The following PACRG variants were observed in gnomAD, a reference collection of about 807,000 sequenced individuals.
The protein encoded by PACRG is parkin coregulated gene protein.
In PACRG, 29 loss-of-function variants were observed where a neutral mutation model predicts 29.7. The ratio of observed to expected loss-of-function variants is 0.98; its 90% CI spans 0.73 to 1.33. The LOEUF (loss-of-function observed/expected upper bound fraction) is 1.33. PACRG is among the 40% of genes most tolerant of loss of function. The pLI is 0.00. For missense variants in PACRG, 279 were observed against 316.2 expected, an observed-to-expected ratio of 0.88 and a Z score of 0.89; for synonymous variants, 116 against 118.7, an observed-to-expected ratio of 0.98 and a Z score of 0.15.
intron 1 of PACRG, among the ~76,000 whole-genome samples, chr6:162,733,392 A>G (rs1396193075): frequency 6.6e-6 from 1 of 152,238 alleles, no homozygotes; most frequent in African/African-American, 2.4e-5. Flanking sequence ...AGTGTATTCA[A>G]TAAATATTTG....
chr6:163,035,827 A>AC (rs1562852866), intron 2 of PACRG, among the ~76,000 whole-genome samples: 2 of 151,206 alleles, frequency 1.3e-5, no homozygotes, highest in Admixed American at 1.3e-4. Context: ...AAAAAAAAAA[A>AC]AAAAAAACAA....
At chr6:163,294,098 A>C (rs1482445529) in intron 4 of PACRG, among the ~76,000 whole-genome samples, 1 of 152,190 alleles carries the variant, frequency 6.6e-6, no homozygotes, top group Non-Finnish European at 1.5e-5. Flanking sequence ...TATTTTAATG[A>C]AAATGATCTA....
intron 4 of PACRG, among the ~76,000 whole-genome samples, chr6:163,178,501 T>G (rs765269071): frequency 2.6e-5 from 4 of 151,942 alleles, no homozygotes; most frequent in Non-Finnish European, 5.9e-5. Flanking sequence ...TGCAGGAAAC[T>G]TTAGTATTAA....
intron 2 of PACRG, among the ~76,000 whole-genome samples, chr6:162,966,275 C>T (rs1227124915): frequency 6.6e-6 from 1 of 152,158 alleles, no homozygotes; most frequent in Non-Finnish European, 1.5e-5. Context: ...TGCCCCATGG[C>T]ACTTGGTGCC....
rs146498802 is a variant in PACRG at position 163,239,661 on chromosome 6, ACC to A, written c.614-75164_614-75163del. On this transcript the variant is annotated intron_variant, in intron 4 of 4. Transcript: ENST00000366888. Reference sequence around the variant, plus strand: ...CACGGCTGCCCCAACCCCTACACACACCCACACCCCCCACCCCTACACACACA... The same window carrying A: ...CACGGCTGCCCCAACCCCTACACACACACACCCCCCACCCCTACACACACA... Among the ~76,000 whole-genome samples, 339 of 127,590 alleles carry A rather than the reference ACC, an allele frequency of 2.7e-3. 3 individuals are homozygous for A. Among genetic ancestry groups the A allele is most frequent in the Non-Finnish European group, 3.4e-3 (204 of 59,514 alleles). The allele number at this position is 127,590 out of a possible 152,430, so 83.7% of individuals were successfully genotyped here. A position where few individuals can be genotyped will look rare whatever the true frequency, so the allele number is the denominator to read the frequency against.
intron 1 of PACRG, among the ~76,000 whole-genome samples, chr6:162,750,181 G>A (rs1469228829): frequency 6.6e-6 from 1 of 152,096 alleles, no homozygotes; most frequent in African/African-American, 2.4e-5. Context: ...AGATACCTTA[G>A]GAGTCTTTCA....
At chr6:162,964,554 A>C (rs888242909) in intron 2 of PACRG, among the ~76,000 whole-genome samples, 2 of 152,208 alleles carry the variant, frequency 1.3e-5, no homozygotes, top group South Asian at 2.1e-4. Context: ...TGGAATGATC[A>C]ACAGATGTTC....
rs918566496 is a variant in PACRG, at chr6:163,055,601, T to C, written c.292-6549T>C. On this transcript the variant is annotated intron_variant, in intron 2 of 4. Coordinates refer to ENST00000366888, the MANE Select transcript of PACRG (RefSeq NM_001080379.2). The surrounding 1 kb of genome is among the most constrained non-coding windows in gnomAD (Gnocchi z 4.0). ...CTACTGTGTTAAAAAAGTTTGTGTC[T>C]CAAAATATAATGGCAAATTGTTATT... 1.3e-5 allele frequency among the ~76,000 whole-genome samples: 2 copies of C among 152,240 alleles called. No homozygotes were observed. The highest frequency in any genetic ancestry group is 2.9e-5 in the Non-Finnish European group (2 of 68,040).
chr6:163,153,916 C>T (rs1166102568), intron 4 of PACRG, among the ~76,000 whole-genome samples: 2 of 152,258 alleles, frequency 1.3e-5, no homozygotes, highest in South Asian at 4.2e-4. Flanking sequence ...GGTGAACAGT[C>T]TGGAAAGAAG....
chr6:162,978,280 A>T (rs914967058), intron 2 of PACRG, among the ~76,000 whole-genome samples: 1 of 152,372 alleles, frequency 6.6e-6, no homozygotes, highest in Middle Eastern at 3.4e-3. Context: ...AGATATTTAA[A>T]AGAACAGATT....
chr6:162,935,363 C>T (rs553450218), intron 2 of PACRG, among the ~76,000 whole-genome samples: 40 of 149,382 alleles, frequency 2.7e-4, no homozygotes, highest in Admixed American at 2.7e-4. Context: ...TCCCATGTGT[C>T]GGATAGGCTC....
At position 163,018,078 on chromosome 6, in the gene PACRG, G is replaced by A. The variant is rs947321690; in HGVS notation, c.292-44072G>A. Among the ~76,000 whole-genome samples the A allele has an allele frequency of 3.9e-5, 6 of 152,074 alleles. No individual in the cohort carries two copies. The South Asian group carries it at 1.0e-3, about 26-fold the overall frequency. On this transcript the variant is annotated intron_variant, in intron 2 of 4. Transcript: ENST00000366888. Reference sequence around the variant, plus strand: ...ATCCCTTTCTCTTAGAAAAATGTTAGCATTTTCTGCACACTTTTAGGAATG... The same window carrying A: ...ATCCCTTTCTCTTAGAAAAATGTTAACATTTTCTGCACACTTTTAGGAATG...
intron 2 of PACRG, among the ~76,000 whole-genome samples, chr6:162,929,667 G>A (rs1797704621): frequency 6.6e-6 from 1 of 151,764 alleles, no homozygotes; most frequent in African/African-American, 2.4e-5. Context: ...TCATGTCCTG[G>A]AGCATTTTCC....
At chr6:162,894,447 A>T (rs933713191) in intron 2 of PACRG, among the ~76,000 whole-genome samples, 3 of 152,224 alleles carry the variant, frequency 2.0e-5, no homozygotes, top group African/African-American at 2.4e-5. Context: ...TTTGATCACC[A>T]AATTATATGG....
intron 2 of PACRG, among the ~76,000 whole-genome samples, chr6:162,898,064 C>T (rs1376752392): frequency 2.0e-5 from 3 of 152,210 alleles, no homozygotes; most frequent in African/African-American, 4.8e-5. Context: ...CAGTGCAGAA[C>T]GTTCTGGAAA....
At chr6:162,837,854 G>C (rs118158994) in intron 2 of PACRG, among the ~76,000 whole-genome samples, 2 of 151,998 alleles carry the variant, frequency 1.3e-5, no homozygotes, top group Non-Finnish European at 2.9e-5. Flanking sequence ...TTAATGACTT[G>C]GAAGGAAACA....
chr6:163,092,318 C>G (rs369361708), intron 4 of PACRG, among the ~76,000 whole-genome samples: 2 of 151,572 alleles, frequency 1.3e-5, no homozygotes, highest in African/African-American at 2.4e-5. Context: ...ATGTGAGGAG[C>G]CCAGGCTTCC....
chr6:162,985,529 C>T (rs1319459839), intron 2 of PACRG, among the ~76,000 whole-genome samples: 7 of 151,942 alleles, frequency 4.6e-5, no homozygotes, highest in African/African-American at 1.2e-4. Context: ...AAAACCCTCA[C>T]CAAAATCAGT....
intron 2 of PACRG, among the ~76,000 whole-genome samples, chr6:163,004,233 T>C (rs1213404892): frequency 6.7e-6 from 1 of 150,190 alleles, no homozygotes; most frequent in East Asian, 1.9e-4. Context: ...ATAATAAATA[T>C]ATATTTCAAA....
Sources: allele counts gnomAD v4.1 joint callset (sites outside exome capture counted in the v4.1 genomes callset), GRCh38; gene constraint gnomAD v4.1.1; non-coding constraint Gnocchi (gnomAD v3.1); transcripts MANE v1.5; gene names NCBI Gene and HGNC (gene_info 2026-07-23, HGNC 2026-07-21).